Variants in NFIA observed in about 807,000 individuals in gnomAD.
The protein encoded by NFIA is nuclear factor I A.
A neutral mutation model predicts 62.8 loss-of-function variants in NFIA; 8 were observed. The ratio of observed to expected loss-of-function variants is 0.13; its 90% CI spans 0.07 to 0.23. The LOEUF is 0.23. Among genes scored for constraint, NFIA ranks in the 10% least tolerant of loss-of-function variants. The probability of loss-of-function intolerance (pLI) is 1.00; values close to 1 mark genes in which losing one functional copy is unlikely to be tolerated. For missense variants in NFIA, 410 were observed against 642.1 expected (o/e 0.64, Z 3.91); for synonymous variants, 235 against 238.1 (o/e 0.99, Z 0.12).
chr1:61,222,751 T>G (rs972041058), intron 2 of NFIA, among the ~76,000 whole-genome samples: 4 of 152,080 alleles, frequency 2.6e-5, no homozygotes, highest in Non-Finnish European at 5.9e-5. Flanking sequence ...AAGACAGAAT[T>G]CAACCTTCAT....
At chr1:61,321,959 G>T (rs1050863478) in intron 3 of NFIA, among the ~76,000 whole-genome samples, 1 of 152,116 alleles carries the variant, frequency 6.6e-6, no homozygotes, top group East Asian at 1.9e-4. Flanking sequence ...TGCAGGAATT[G>T]GTGAAAAGAT....
At chr1:61,154,582 C>G (rs1022452981) in intron 2 of NFIA, among the ~76,000 whole-genome samples, 3 of 152,172 alleles carry the variant, frequency 2.0e-5, no homozygotes, top group Non-Finnish European at 4.4e-5. Flanking sequence ...TCCTGAGTAA[C>G]TGGGATTACA....
At chr1:61,431,621 T>G (rs1490162449) in intron 10 of NFIA, among the ~76,000 whole-genome samples, 1 of 152,278 alleles carries the variant, frequency 6.6e-6, no homozygotes, top group African/African-American at 2.4e-5. Flanking sequence ...CTGCCTGACT[T>G]GCAAGCAGTG....
At chr1:61,172,562 CTTG>C (rs1650038947) in intron 2 of NFIA, among the ~76,000 whole-genome samples, 1 of 152,170 alleles carries the variant, frequency 6.6e-6, no homozygotes, top group Admixed American at 6.5e-5. Context: ...TTGGATAATT[CTTG>C]TTGTAAAACA....
At chr1:61,356,055 G>C (rs899272655) in intron 5 of NFIA, among the ~76,000 whole-genome samples, 3 of 152,200 alleles carry the variant, frequency 2.0e-5, no homozygotes, top group Non-Finnish European at 4.4e-5. Context: ...TCAATAATGG[G>C]AGAATGATGG....
chr1:61,445,047 C>T (rs1667746942), intron 10 of NFIA, among the ~76,000 whole-genome samples: 1 of 152,176 alleles, frequency 6.6e-6, no homozygotes, highest in Admixed American at 6.5e-5. Flanking sequence ...TGTACGCATG[C>T]TCAATTTTAT....
rs1042047653 is a variant in NFIA at position 61,425,641 on chromosome 1, G to A, written c.1421-824G>A. ...AAACAAAATGTACCTTTGGATTTATGAGCCAGTGAAACAACAAAGCCACTG... is the reference window on the plus strand; with the variant it reads ...AAACAAAATGTACCTTTGGATTTATAAGCCAGTGAAACAACAAAGCCACTG... On this transcript the variant is annotated intron_variant, in intron 9 of 10. Coordinates refer to ENST00000403491, the MANE Select transcript of NFIA (RefSeq NM_001134673.4). Among the ~76,000 whole-genome samples the A allele has an allele frequency of 3.9e-5, 6 of 152,186 alleles. No homozygotes were observed. In the East Asian group the frequency reaches 9.6e-4, roughly 24 times the overall value.
chr1:61,113,772 A>C (rs1354916747), intron 2 of NFIA, among the ~76,000 whole-genome samples: 3 of 152,116 alleles, frequency 2.0e-5, no homozygotes, highest in Non-Finnish European at 4.4e-5. Flanking sequence ...GTTGGAGAGC[A>C]GGTGAAAGGC....
chr1:61,151,440 G>A (rs1648405202), intron 2 of NFIA, among the ~76,000 whole-genome samples: 1 of 150,190 alleles, frequency 6.7e-6, no homozygotes, highest in East Asian at 2.0e-4. Context: ...AATGTGCAGA[G>A]AAGGCTCAGG....
intron 2 of NFIA, among the ~76,000 whole-genome samples, chr1:61,276,433 A>G (rs1657811104): frequency 6.6e-6 from 1 of 152,196 alleles, no homozygotes; most frequent in Non-Finnish European, 1.5e-5. Flanking sequence ...AACTTGCAGA[A>G]ATGTGGTTAA....
At chr1:61,216,702 C>G (rs886254206) in intron 2 of NFIA, among the ~76,000 whole-genome samples, 3 of 152,144 alleles carry the variant, frequency 2.0e-5, no homozygotes, top group Non-Finnish European at 2.9e-5. Flanking sequence ...TATGTATGCT[C>G]TAAAAAGGGG....
chr1:61,274,954 A>G (rs1256520035), intron 2 of NFIA, among the ~76,000 whole-genome samples: 16 of 152,172 alleles, frequency 1.1e-4, no homozygotes, highest in Admixed American at 9.8e-4. Context: ...CCGAGGGTAG[A>G]AAATAATTAT....
chr1:61,391,826 T>C (rs746553816), intron 7 of NFIA, among the ~76,000 whole-genome samples: 11 of 152,228 alleles, frequency 7.2e-5, no homozygotes, highest in Non-Finnish European at 1.2e-4. Flanking sequence ...TTTAACTTAG[T>C]TGGAGAACAT....
At position 61,116,971 on chromosome 1, in the gene NFIA, GA is replaced by G. The variant is rs551755767; in HGVS notation, c.559+28292del. Among the ~76,000 whole-genome samples, 93 of 152,230 alleles carry G rather than the reference GA, an allele frequency of 6.1e-4. 1 individual carries two copies. Among genetic ancestry groups the G allele is most frequent in the African/African-American group, 2.1e-3 (86 of 41,548 alleles). ...CCATTTTAAAGCATGCCTTTTTTATGACAAGAAATACTTTTAAAATACTATT... is the reference window on the plus strand; with the variant it reads ...CCATTTTAAAGCATGCCTTTTTTATGCAAGAAATACTTTTAAAATACTATT... On this transcript the variant is annotated intron_variant, in intron 2 of 10. Transcript: ENST00000403491.
At chr1:61,097,073 C>T (rs1028857721) in intron 2 of NFIA, among the ~76,000 whole-genome samples, 4 of 152,004 alleles carry the variant, frequency 2.6e-5, no homozygotes, top group Non-Finnish European at 5.9e-5. Flanking sequence ...ATTAATGAAT[C>T]TTAAAGTTAG....
intron 2 of NFIA, among the ~76,000 whole-genome samples, chr1:61,269,753 CTCA>C (rs1657395573): frequency 1.3e-5 from 2 of 152,206 alleles, no homozygotes; most frequent in South Asian, 2.1e-4. Flanking sequence ...CTCATTTAAA[CTCA>C]TCAGCATAGT....
At position 61,082,680 on chromosome 1, in the gene NFIA, CT is replaced by C; in HGVS notation, c.-111del. On this transcript the variant is annotated 5_prime_UTR_variant, in exon 1 of 11. Coordinates refer to ENST00000403491, the MANE Select transcript of NFIA (RefSeq NM_001134673.4). The stretch of plus-strand genomic sequence containing the variant: ...TTTTTTTTTCTCCCCCCTTCTCTCT[CT>C]CTCTCTCTCTCTCTCTTCCTCTCTC... The C allele has an allele frequency of 6.6e-7, 1 of 1,523,764 alleles. No individual in the cohort carries two copies. The highest frequency in any genetic ancestry group is 8.8e-7 in the Non-Finnish European group (1 of 1,130,216). The allele number at this position is 1,523,764 out of a possible 1,614,324, so 94.4% of individuals were successfully genotyped here.
intron 2 of NFIA, among the ~76,000 whole-genome samples, chr1:61,173,790 A>C (rs926117603): frequency 6.6e-6 from 1 of 152,184 alleles, no homozygotes; most frequent in Non-Finnish European, 1.5e-5. Flanking sequence ...TTGGGTTTAC[A>C]GTCAGCATAG....
At chr1:61,077,545 A>T (rs567032916), upstream of NFIA, 4 of 1,189,128 alleles carry the variant, frequency 3.4e-6, no homozygotes, top group South Asian at 7.9e-5. Context: ...GATATTTTTT[A>T]AATGCAAAAA....
Sources: gnomAD v4.1 joint callset for allele counts (sites outside exome capture counted in the v4.1 genomes callset) on GRCh38, gnomAD v4.1.1 for gene constraint, MANE v1.5 for transcripts, NCBI Gene and HGNC (gene_info 2026-07-23, HGNC 2026-07-21) for gene names.